The following SH3D19 variants were observed in gnomAD, a reference collection of about 807,000 sequenced individuals.
The protein encoded by SH3D19 is SH3 domain containing 19.
SH3D19 carries 58 observed loss-of-function variants against 112.1 expected under a neutral mutation model. That is an observed-to-expected ratio of 0.52 (90% CI 0.42 to 0.64). The LOEUF (loss-of-function observed/expected upper bound fraction) is 0.64, where lower values mean the gene tolerates loss of function less well. Among genes scored for constraint, SH3D19 ranks in the 30% least tolerant of loss-of-function variants. SH3D19 has a pLI of 0.00. For synonymous variants in SH3D19, 391 were observed against 448.5 expected, an observed-to-expected ratio of 0.87 and a Z score of 1.62; for missense variants, 1,090 against 1,263.4, an observed-to-expected ratio of 0.86 and a Z score of 2.08.
intron 2 of SH3D19, among the ~76,000 whole-genome samples, chr4:151,213,018 G>T (rs1216653173): frequency 6.6e-6 from 1 of 152,222 alleles, no homozygotes. Flanking sequence ...AGTGGAAACA[G>T]CAAGAGAACT....
intron 13 of SH3D19, 26 bp downstream of exon 13, chr4:151,139,749 T>C: frequency 6.2e-7 from 1 of 1,605,652 alleles, no homozygotes; most frequent in Middle Eastern, 1.7e-4. Context: ...CCTGTGGTTC[T>C]CCCACTGCAT....
chr4:151,222,180 T>A (rs1209084131), intron 2 of SH3D19, among the ~76,000 whole-genome samples: 1 of 152,168 alleles, frequency 6.6e-6, no homozygotes, highest in Non-Finnish European at 1.5e-5. Context: ...CCCTCCAAGT[T>A]CCACCCACAG....
chr4:151,270,637 C>T (rs1384344176), intron 1 of SH3D19, among the ~76,000 whole-genome samples: 1 of 151,144 alleles, frequency 6.6e-6, no homozygotes, highest in Non-Finnish European at 1.5e-5. Flanking sequence ...TTTATAACAG[C>T]ACCACCATGA....
chr4:151,251,205 T>C (rs1283382458), intron 1 of SH3D19, among the ~76,000 whole-genome samples: 89 of 150,870 alleles, frequency 5.9e-4, no homozygotes, highest in African/African-American at 2.1e-3. Context: ...TTCCTTTTTT[T>C]TTTTTTTTCC....
At chr4:151,142,061 G>A (rs1219529885) in intron 12 of SH3D19, among the ~76,000 whole-genome samples, 2 of 152,144 alleles carry the variant, frequency 1.3e-5, no homozygotes. Context: ...GTAGGTATCT[G>A]GTAGGTAAAT....
At chr4:151,222,455 A>G (rs1250501400) in intron 2 of SH3D19, among the ~76,000 whole-genome samples, 1 of 152,140 alleles carries the variant, frequency 6.6e-6, no homozygotes, top group Non-Finnish European at 1.5e-5. Flanking sequence ...ACTTTGGCAT[A>G]TATCTCCTAA....
rs1018212055 is a variant in SH3D19 at position 151,174,971 on chromosome 4, A to G, written c.1233T>C (p.Ser411=). Residue 411 remains serine (S), a synonymous_variant, in exon 7 of 20, where the codon AGT becomes AGC. Coordinates refer to ENST00000604030, the MANE Select transcript of SH3D19 (RefSeq NM_001378122.1). ...GRGPLAESSD[S]GKKVPTPAPR... is the part of the protein sequence containing the mutation. ...GGGCAGGAGTTGGCACTTTCTTCCC[A>G]CTATCAGAGCTCTCAGCCAGGGGCC... The G allele has an allele frequency of 6.2e-7, 1 of 1,614,166 alleles. No individual in the cohort carries two copies. Among genetic ancestry groups the G allele is most frequent in the Non-Finnish European group, 8.5e-7 (1 of 1,180,018 alleles).
chr4:151,146,694 A>C (rs539850452), intron 11 of SH3D19, among the ~76,000 whole-genome samples: 90 of 152,124 alleles, frequency 5.9e-4, no homozygotes, highest in African/African-American at 2.1e-3. Context: ...CAACACGCCC[A>C]GCTAATTTTT....
chr4:151,209,410 C>T (rs1321988512), intron 2 of SH3D19, among the ~76,000 whole-genome samples: 1 of 152,004 alleles, frequency 6.6e-6, no homozygotes, highest in Non-Finnish European at 1.5e-5. Flanking sequence ...TCCTGAGTAG[C>T]TGGGACTACA....
rs116680600 is a variant in SH3D19, at chr4:151,258,242, A to G, written c.113-32156T>C. ...TTGCTACCTAAGGAAGGCTAAGAGC[A>G]GGTAATGATTGAGGCACAAAGGGAA... On this transcript the variant is annotated intron_variant, in intron 1 of 19. Transcript: ENST00000604030. Among the ~76,000 whole-genome samples the G allele has an allele frequency of 2.7e-3, 418 of 152,340 alleles. 2 individuals are homozygous for G. Among genetic ancestry groups the G allele is most frequent in the Middle Eastern group, 0.01 (3 of 294 alleles).
intron 17 of SH3D19, 27 bp downstream of exon 17, chr4:151,132,304 C>G (rs1346791632): frequency 1.6e-5 from 26 of 1,606,820 alleles, no homozygotes; most frequent in Non-Finnish European, 2.2e-5. Context: ...CTGGCTGTCA[C>G]TATAGTCATC....
intron 1 of SH3D19, among the ~76,000 whole-genome samples, chr4:151,265,378 A>G (rs1475878841): frequency 6.6e-6 from 1 of 151,642 alleles, no homozygotes; most frequent in Non-Finnish European, 1.5e-5. Flanking sequence ...AGAGGATAGA[A>G]TGTGAGAGAA....
chr4:151,323,776 G>C (rs549741645), intron 1 of SH3D19, among the ~76,000 whole-genome samples: 76 of 152,250 alleles, frequency 5.0e-4, no homozygotes, highest in African/African-American at 1.8e-3. Context: ...ACCAGCTTTG[G>C]AATAAATACA....
intron 2 of SH3D19, among the ~76,000 whole-genome samples, chr4:151,223,791 C>T (rs1342013066): frequency 6.6e-6 from 1 of 152,114 alleles, no homozygotes; most frequent in Non-Finnish European, 1.5e-5. Context: ...ATATTCTAGA[C>T]CAGTGGTCCC....
chr4:151,153,634 G>C (rs1755509009), intron 9 of SH3D19, among the ~76,000 whole-genome samples: 1 of 152,166 alleles, frequency 6.6e-6, no homozygotes, highest in South Asian at 2.1e-4. Context: ...CTTAGGCACA[G>C]ATTGACTTTC....
At chr4:151,264,999 T>C (rs56806973) in intron 1 of SH3D19, among the ~76,000 whole-genome samples, 1 of 152,138 alleles carries the variant, frequency 6.6e-6, no homozygotes, top group Non-Finnish European at 1.5e-5. Flanking sequence ...CTCATTCTAA[T>C]TGAATGCTAA....
At chr4:151,191,237 C>CGGAA (rs554287156) in intron 2 of SH3D19, among the ~76,000 whole-genome samples, 44 of 152,232 alleles carry the variant, frequency 2.9e-4, no homozygotes, top group African/African-American at 8.7e-4. Flanking sequence ...GGTTCATAGG[C>CGGAA]GGAAGGGACA....
intron 1 of SH3D19, among the ~76,000 whole-genome samples, chr4:151,254,369 A>T (rs1194497288): frequency 6.7e-6 from 1 of 149,512 alleles, no homozygotes; most frequent in Non-Finnish European, 1.5e-5. Flanking sequence ...TTTCTCACAG[A>T]GGGGGATTTG....
At chr4:151,203,023 G>C (rs771402314) in intron 2 of SH3D19, among the ~76,000 whole-genome samples, 5 of 152,158 alleles carry the variant, frequency 3.3e-5, no homozygotes, top group Non-Finnish European at 5.9e-5. Context: ...AAGGGGGAGA[G>C]GAGATGGAGA....
Sources: gnomAD v4.1 joint callset for allele counts (sites outside exome capture counted in the v4.1 genomes callset) on GRCh38, gnomAD v4.1.1 for gene constraint, MANE v1.5 for transcripts, NCBI Gene and HGNC (gene_info 2026-07-23, HGNC 2026-07-21) for gene names.